The following MARCHF1 variants were observed in gnomAD, a reference collection of about 807,000 sequenced individuals.
MARCHF1 encodes the protein membrane associated ring-CH-type finger 1.
A neutral mutation model predicts 54.2 loss-of-function variants in MARCHF1; 40 were observed. That is an observed-to-expected ratio of 0.74 (90% confidence interval 0.57 to 0.96). The LOEUF (loss-of-function observed/expected upper bound fraction) is 0.96, where lower values mean the gene tolerates loss of function less well. MARCHF1 is among the 40% of genes least tolerant of loss of function. The probability of loss-of-function intolerance (pLI) is 0.00; values close to 1 mark genes in which losing one functional copy is unlikely to be tolerated. For synonymous variants in MARCHF1, 236 were observed against 236.3 expected (o/e 1.00, Z 0.01); for missense variants, 586 against 656.5 (o/e 0.89, Z 1.17).
chr4:163,621,332 G>T (rs1741690326), intron 5 of MARCHF1, among the ~76,000 whole-genome samples: 1 of 152,032 alleles, frequency 6.6e-6, no homozygotes. Context: ...AAATACCTTT[G>T]CCCAGGTTGA....
chr4:164,059,477 T>C (rs1367170112), intron 2 of MARCHF1, among the ~76,000 whole-genome samples: 1 of 152,168 alleles, frequency 6.6e-6, no homozygotes, highest in Non-Finnish European at 1.5e-5. Flanking sequence ...CTGACATATT[T>C]TCAAGATGAA....
chr4:164,077,732 A>C (rs1755009729), intron 2 of MARCHF1, among the ~76,000 whole-genome samples: 1 of 152,236 alleles, frequency 6.6e-6, no homozygotes, highest in Non-Finnish European at 1.5e-5. Flanking sequence ...ATATGAACAG[A>C]CACATCTCAA....
chr4:164,016,102 T>C (rs1753535905), intron 2 of MARCHF1, among the ~76,000 whole-genome samples: 1 of 152,116 alleles, frequency 6.6e-6, no homozygotes, highest in African/African-American at 2.4e-5. Context: ...ATTATACATA[T>C]TGTATTAGTC....
At chr4:164,009,534 A>G (rs556637485) in intron 2 of MARCHF1, among the ~76,000 whole-genome samples, 1 of 152,316 alleles carries the variant, frequency 6.6e-6, no homozygotes, top group Admixed American at 6.5e-5. Context: ...ACCTAGATGC[A>G]AAGTTCTCAA....
At chr4:164,320,729 G>A (rs887521530) in intron 1 of MARCHF1, among the ~76,000 whole-genome samples, 5 of 151,916 alleles carry the variant, frequency 3.3e-5, no homozygotes, top group African/African-American at 1.2e-4. Context: ...CTTGGAACTG[G>A]TGACCCCTCC....
At chr4:164,056,768 T>C (rs1239173723) in intron 2 of MARCHF1, among the ~76,000 whole-genome samples, 1 of 152,190 alleles carries the variant, frequency 6.6e-6, no homozygotes, top group Non-Finnish European at 1.5e-5. Flanking sequence ...AATAATTTTA[T>C]ATTTGAATTG....
At chr4:163,800,068 A>G (rs1748035678) in intron 4 of MARCHF1, among the ~76,000 whole-genome samples, 1 of 152,106 alleles carries the variant, frequency 6.6e-6, no homozygotes, top group Admixed American at 6.6e-5. Flanking sequence ...CTCATGTATA[A>G]GTAGAAGCTA....
intron 1 of MARCHF1, among the ~76,000 whole-genome samples, chr4:164,248,643 T>C (rs971375135): frequency 1.3e-5 from 2 of 152,072 alleles, no homozygotes; most frequent in Non-Finnish European, 2.9e-5. Flanking sequence ...ATGAATAATG[T>C]TTTAAAGAAG....
At chr4:164,298,418 C>A (rs181977533) in intron 1 of MARCHF1, among the ~76,000 whole-genome samples, 57 of 151,988 alleles carry the variant, frequency 3.8e-4, no homozygotes, top group Non-Finnish European at 6.6e-4. Flanking sequence ...GTAACGGGTA[C>A]CTTCTACAAA....
At chr4:163,936,133 C>G (rs4129627) in intron 3 of MARCHF1, among the ~76,000 whole-genome samples, 1 of 151,946 alleles carries the variant, frequency 6.6e-6, no homozygotes, top group Non-Finnish European at 1.5e-5. Context: ...GCAGTCAGAA[C>G]GCACACAACA....
chr4:164,200,094 T>G (rs563188475), intron 1 of MARCHF1, among the ~76,000 whole-genome samples: 1 of 152,222 alleles, frequency 6.6e-6, no homozygotes, highest in Non-Finnish European at 1.5e-5. Flanking sequence ...GTGACTGCAT[T>G]CGGAGAAGCA....
intron 2 of MARCHF1, among the ~76,000 whole-genome samples, chr4:164,065,125 T>C (rs1179180849): frequency 6.6e-6 from 1 of 152,224 alleles, no homozygotes; most frequent in Non-Finnish European, 1.5e-5. Flanking sequence ...TTTTGTTGTA[T>C]CTCTGCCTGG....
intron 5 of MARCHF1, among the ~76,000 whole-genome samples, chr4:163,679,829 T>C (rs1346161946): frequency 6.6e-6 from 1 of 151,886 alleles, no homozygotes; most frequent in Non-Finnish European, 1.5e-5. Flanking sequence ...CTCGATCTCC[T>C]GACCTCGTGA....
intron 4 of MARCHF1, among the ~76,000 whole-genome samples, chr4:163,796,602 AC>A (rs1250267474): frequency 1.3e-5 from 2 of 152,020 alleles, no homozygotes; most frequent in Admixed American, 6.6e-5. Context: ...ATTTTTTCAT[AC>A]AGTCTGATAT....
At chr4:164,208,982 T>A (rs200071047) in intron 1 of MARCHF1, among the ~76,000 whole-genome samples, 1 of 151,064 alleles carries the variant, frequency 6.6e-6, no homozygotes, top group Non-Finnish European at 1.5e-5. Flanking sequence ...CTCTCTCACT[T>A]TCTCTCTCTA....
At chr4:164,308,127 G>T (rs1257015481) in intron 1 of MARCHF1, among the ~76,000 whole-genome samples, 1 of 152,172 alleles carries the variant, frequency 6.6e-6, no homozygotes, top group Non-Finnish European at 1.5e-5. Flanking sequence ...CCAGAGCCAT[G>T]AGATCAAGCA....
chr4:163,660,565 T>G (rs1015076138), intron 5 of MARCHF1, among the ~76,000 whole-genome samples: 1 of 148,556 alleles, frequency 6.7e-6, no homozygotes, highest in Non-Finnish European at 1.5e-5. Context: ...GAACTTAAAG[T>G]AAAACTTAAA....
intron 5 of MARCHF1, among the ~76,000 whole-genome samples, chr4:163,625,475 G>A (rs1318477389): frequency 6.6e-6 from 1 of 152,260 alleles, no homozygotes; most frequent in Non-Finnish European, 1.5e-5. Flanking sequence ...GTTGAATGGA[G>A]TGTGGTAATA....
chr4:164,031,535 C>T (rs1348778606), intron 2 of MARCHF1, among the ~76,000 whole-genome samples: 7 of 151,732 alleles, frequency 4.6e-5, no homozygotes, highest in African/African-American at 1.5e-4. Context: ...GAGCTTTTAG[C>T]GTGAAGGGAT....
Sources: allele counts gnomAD v4.1 joint callset (sites outside exome capture counted in the v4.1 genomes callset), GRCh38; gene constraint gnomAD v4.1.1; transcripts MANE v1.5; gene names NCBI Gene and HGNC (gene_info 2026-07-23, HGNC 2026-07-21).